BMS1: variants seen among roughly 807,000 people sequenced by gnomAD.
The protein encoded by BMS1 is ribosome biogenesis protein BMS1 homolog.
BMS1 carries 53 observed loss-of-function variants against 138.7 expected under a neutral mutation model. The ratio of observed to expected loss-of-function variants is 0.38; its 90% confidence interval spans 0.31 to 0.48. The LOEUF (loss-of-function observed/expected upper bound fraction) is 0.48, where lower values mean the gene tolerates loss of function less well. BMS1 is among the 20% of genes least tolerant of loss of function. BMS1 has a pLI of 0.97. For missense variants in BMS1, 1,360 were observed against 1,565.5 expected (o/e 0.87, Z 2.22); for synonymous variants, 504 against 539.9 (o/e 0.93, Z 0.92).
rs536709194 is a variant in BMS1 at position 42,834,287 on chromosome 10, A to G, written c.*3191A>G. ...AACCTGTGAACTTGCTTTAAGTATTATCATTTGGTGACATGCCCGCCATTT... is the reference window on the plus strand; with the variant it reads ...AACCTGTGAACTTGCTTTAAGTATTGTCATTTGGTGACATGCCCGCCATTT... On this transcript the variant is annotated 3_prime_UTR_variant, in exon 23 of 23. Transcript: ENST00000374518. 5 of 152,222 alleles carry G rather than the reference A, an allele frequency of 3.3e-5. No homozygotes were observed. The South Asian group carries it at 1.0e-3, about 32-fold the overall frequency. 9.4% of individuals were successfully genotyped at this position (152,222 alleles called of 1,614,324 possible).
chr10:42,800,203 T>G (rs1258064294), intron 12 of BMS1, among the ~76,000 whole-genome samples: 1 of 152,194 alleles, frequency 6.6e-6, no homozygotes, highest in Non-Finnish European at 1.5e-5. Context: ...AGTCACATAT[T>G]TCTAGTTACC....
At chr10:42,821,479 A>G (rs1842501368) in intron 18 of BMS1, among the ~76,000 whole-genome samples, 1 of 151,746 alleles carries the variant, frequency 6.6e-6, no homozygotes, top group Admixed American at 6.6e-5. Flanking sequence ...TTTCATTCCA[A>G]ATAAATCATT....
chr10:42,792,059 C>T (rs1288160724), intron 6 of BMS1, among the ~76,000 whole-genome samples: 3 of 152,098 alleles, frequency 2.0e-5, no homozygotes, highest in Non-Finnish European at 4.4e-5. Flanking sequence ...CCTTCATGCC[C>T]GGGTGCTTGA....
At chr10:42,826,237 T>TTGTG (rs35886214) in intron 21 of BMS1, among the ~76,000 whole-genome samples, 4,932 of 145,684 alleles carry the variant, frequency 0.034, 155 homozygotes, top group African/African-American at 0.079. Context: ...TTTTTGTTTG[T>TTGTG]TGTGTGTGTG....
chr10:42,814,388 C>T (rs955389136), intron 13 of BMS1, among the ~76,000 whole-genome samples: 27 of 151,024 alleles, frequency 1.8e-4, no homozygotes, highest in African/African-American at 6.7e-4. Flanking sequence ...TAGAGCCCAT[C>T]TAGATAGATT....
At chr10:42,805,368 T>C (rs559383301) in intron 13 of BMS1, among the ~76,000 whole-genome samples, 9 of 152,354 alleles carry the variant, frequency 5.9e-5, no homozygotes, top group African/African-American at 1.9e-4. Flanking sequence ...ACTGTCTCTG[T>C]TACTTACAGC....
Position 42,801,119 on chromosome 10 carries a change from G to C in BMS1, c.2248-1018G>C, listed in dbSNP as rs1055859053. ...ATCCTGATTTCTTTTAGTAGGAAAT[G>C]GTATTTCAACGTGACAGCCTAGGCA... On this transcript the variant is annotated intron_variant, in intron 12 of 22. Transcript: ENST00000374518. 3.9e-5 allele frequency among the ~76,000 whole-genome samples: 6 copies of C among 152,274 alleles called. No homozygotes were observed. In the East Asian group the frequency reaches 1.2e-3, roughly 29 times the overall value.
At chr10:42,819,358 T>C (rs1842438000) in intron 15 of BMS1, among the ~76,000 whole-genome samples, 1 of 152,248 alleles carries the variant, frequency 6.6e-6, no homozygotes, top group Non-Finnish European at 1.5e-5. Context: ...CAGGTTGATA[T>C]GGACCACTTC....
intron 4 of BMS1, 81 bp from the exon 5 acceptor site, chr10:42,790,242 T>A: frequency 7.4e-7 from 1 of 1,348,964 alleles, no homozygotes; most frequent in Non-Finnish European, 1.0e-6. Context: ...GGCTGGATTT[T>A]GCCCGTGGCC....
intron 13 of BMS1, among the ~76,000 whole-genome samples, chr10:42,811,743 C>G (rs1842191133): frequency 6.6e-6 from 1 of 151,272 alleles, no homozygotes; most frequent in Non-Finnish European, 1.5e-5. Flanking sequence ...CCGGGATGGT[C>G]TCGATCTCCT....
chr10:42,825,751 CTTTAA>C (rs1366305489), intron 21 of BMS1, among the ~76,000 whole-genome samples: 2 of 152,124 alleles, frequency 1.3e-5, no homozygotes, highest in Non-Finnish European at 2.9e-5. Flanking sequence ...AATTTTACTT[CTTTAA>C]TTTAGTTGCC....
chr10:42,796,680 C>T lies in BMS1; in HGVS notation c.1436C>T (p.Ala479Val), dbSNP rs1448308667. 6.8e-6 allele frequency: 11 copies of T among 1,614,140 alleles called. No homozygotes were observed. Among genetic ancestry groups the T allele is most frequent in the Non-Finnish European group, 9.3e-6 (11 of 1,180,024 alleles). Residue 479 changes from alanine to valine, a missense_variant, in exon 10 of 23, where the codon GCT becomes GTT. Physicochemically the swap from Ala to Val is moderately conservative, Grantham distance 64 (BLOSUM62 0). Transcript: ENST00000374518. ...ENAEMTDQYM[A>V]VKGIKRRKLE... is the part of the protein sequence containing the mutation. ...GCTGAGATGACTGATCAGTATATGG[C>T]TGTTAAGGGCATCAAACGACGGAAA... is the stretch of plus-strand genomic sequence containing the variant.
Position 42,797,072 on chromosome 10 carries a change from G to C in BMS1, c.1828G>C (p.Glu610Gln), listed in dbSNP as rs146520651. Residue 610 changes from glutamate (E) to glutamine (Q), a missense_variant, in exon 10 of 23, where the codon GAA becomes CAA. Transcript: ENST00000374518. ...TGCAGAGGAAGAAGACTCAGAAAATGAAGAGGCTATTAGAAAAAAGCTTTC... is the reference window on the plus strand; with the variant it reads ...TGCAGAGGAAGAAGACTCAGAAAATCAAGAGGCTATTAGAAAAAAGCTTTC... ...LSAEEEDSEN[E>Q]EAIRKKLSKP... is the part of the protein sequence containing the mutation. The C allele has an allele frequency of 8.7e-6, 14 of 1,614,110 alleles. No homozygotes were observed. The highest frequency in any genetic ancestry group is 1.3e-5 in the African/African-American group (1 of 74,952).
Position 42,790,500 on chromosome 10 carries a change from G to C in BMS1, c.625G>C (p.Glu209Gln). 1 of 1,613,882 alleles carries C rather than the reference G, an allele frequency of 6.2e-7. No individual in the cohort carries two copies. Among genetic ancestry groups the C allele is most frequent in the African/African-American group, 1.3e-5 (1 of 75,014 alleles). ...GCGATTAAAACACAGGTTCTGGACG[G>C]AAGTTTACCCGGTACGAAGAGAAAT... Reference protein sequence around the residue: ...KKRLKHRFWTEVYPGAKLFYL... With the variant: ...KKRLKHRFWTQVYPGAKLFYL... The change falls in exon 5 of 23, where the codon GAA (glutamate) becomes CAA (glutamine). Residue 209 changes from glutamate to glutamine, a missense_variant. Physicochemically the swap from Glu to Gln is conservative, Grantham distance 29. Coordinates refer to ENST00000374518, the MANE Select transcript of BMS1 (RefSeq NM_014753.4).
At chr10:42,802,803 TA>T (rs1356912057) in intron 13 of BMS1, among the ~76,000 whole-genome samples, 7 of 150,960 alleles carry the variant, frequency 4.6e-5, no homozygotes, top group Non-Finnish European at 1.0e-4. Flanking sequence ...TTAAAATAAA[TA>T]AAATATTATT....
At position 42,797,488 on chromosome 10, in the gene BMS1, C is replaced by G; in HGVS notation, c.2054C>G (p.Ala685Gly). ...GAGGCCTTTCTGAGGCAGCAGCAAG[C>G]AGCTCCAAACCTCCGAAAGCTTATT... ...AAEAFLRQQQ[A>G]APNLRKLIYG... The change falls in exon 11 of 23, where the codon GCA becomes GGA. Residue 685 changes from alanine (A) to glycine (G), a missense_variant. Transcript: ENST00000374518. 6.2e-7 allele frequency: 1 copy of G among 1,614,196 alleles called. No homozygotes were observed. Among genetic ancestry groups the G allele is most frequent in the Middle Eastern group, 1.6e-4 (1 of 6,062 alleles).
At chr10:42,807,035 A>ATGTG (rs749088296) in intron 13 of BMS1, among the ~76,000 whole-genome samples, 8 of 151,216 alleles carry the variant, frequency 5.3e-5, no homozygotes, top group African/African-American at 1.7e-4. Flanking sequence ...AGTTTCACTT[A>ATGTG]TGTGTGTGTG....
In BMS1 at chr10:42,816,727, A is replaced by G. The variant is rs1842360681; in HGVS notation, c.2403+55A>G. The G allele has an allele frequency of 3.5e-6, 5 of 1,410,894 alleles. No individual in the cohort carries two copies. The Admixed American group carries it at 5.9e-5, about 17-fold the overall frequency. The allele number at this position is 1,410,894 out of a possible 1,614,324, so 87.4% of individuals were successfully genotyped here. On this transcript the variant is annotated intron_variant, in intron 14 of 22. Transcript: ENST00000374518. ...GGTCATTGTGTTCTGAGAGAGGCCC[A>G]CATTGAGAAATGCAAATCTTACTTG...
intron 14 of BMS1, among the ~76,000 whole-genome samples, chr10:42,816,999 A>C (rs1443172116): frequency 6.6e-6 from 1 of 152,184 alleles, no homozygotes; most frequent in African/African-American, 2.4e-5. Context: ...AAAAGAATGA[A>C]GTCCCTGTTC....
Sources: allele counts gnomAD v4.1 joint callset (sites outside exome capture counted in the v4.1 genomes callset), GRCh38; gene constraint gnomAD v4.1.1; transcripts MANE v1.5; gene names NCBI Gene and HGNC (gene_info 2026-07-23, HGNC 2026-07-21).